The following SLC14A2 variants were observed in gnomAD, a reference collection of about 807,000 sequenced individuals.
SLC14A2 encodes solute carrier family 14 member 2.
In SLC14A2, 91 loss-of-function variants were observed where a neutral mutation model predicts 104.6. That is an observed-to-expected ratio of 0.87 (90% CI 0.73 to 1.04). The LOEUF is 1.04. SLC14A2 is among the 50% of genes least tolerant of loss of function. The pLI is 0.00. For synonymous variants in SLC14A2, 476 were observed against 466.4 expected, an observed-to-expected ratio of 1.02 and a Z score of -0.27; for missense variants, 1,189 against 1,156.0, an observed-to-expected ratio of 1.03 and a Z score of -0.41.
At position 45,656,952 on chromosome 18, in the gene SLC14A2, T is replaced by C. The variant is rs73953269; in HGVS notation, c.1352-6833T>C. ...ACCTTCTTAAAAATAAAAAATTGGC[T>C]AATGGATTAAGAAGTTGAGCCTTCC... On this transcript the variant is annotated intron_variant, in intron 10 of 19. Coordinates refer to ENST00000255226, the MANE Select transcript of SLC14A2 (RefSeq NM_007163.4). 3.4e-3 allele frequency among the ~76,000 whole-genome samples: 525 copies of C among 152,314 alleles called. 1 individual carries two copies. The highest frequency in any genetic ancestry group is 0.012 in the African/African-American group (511 of 41,562).
intron 1 of SLC14A2, among the ~76,000 whole-genome samples, chr18:45,229,453 A>G (rs896116169): frequency 1.3e-5 from 2 of 152,014 alleles, no homozygotes; most frequent in Non-Finnish European, 2.9e-5. Flanking sequence ...GCCCTCTCCC[A>G]CTGCCTTCCC....
At chr18:45,475,654 T>TTTAGG (rs1415251972) in intron 1 of SLC14A2, among the ~76,000 whole-genome samples, 712 of 53,442 alleles carry the variant, frequency 0.013, 3 homozygotes, top group African/African-American at 0.051. Flanking sequence ...TATATATATA[T>TTTAGG]ATATATATAT....
At chr18:45,212,444 G>A (rs1325140875), upstream of SLC14A2, among the ~76,000 whole-genome samples, 1 of 152,104 alleles carries the variant, frequency 6.6e-6, no homozygotes, top group Non-Finnish European at 1.5e-5. Flanking sequence ...TGGTGAAAAT[G>A]GGGCAATAGT....
At chr18:45,640,205 G>A (rs1343905743) in intron 7 of SLC14A2, among the ~76,000 whole-genome samples, 1 of 151,950 alleles carries the variant, frequency 6.6e-6, no homozygotes, top group Admixed American at 6.6e-5. Context: ...GAACCCAGGA[G>A]GTGGAGGTTG....
chr18:45,261,757 A>G (rs1599623152), intron 1 of SLC14A2, among the ~76,000 whole-genome samples: 1 of 152,212 alleles, frequency 6.6e-6, no homozygotes. Context: ...TTATGGCTGC[A>G]TAGTATTCCA....
chr18:45,282,789 C>G (rs1230232710), intron 1 of SLC14A2, among the ~76,000 whole-genome samples: 1 of 152,090 alleles, frequency 6.6e-6, no homozygotes, highest in African/African-American at 2.4e-5. Flanking sequence ...TTGGTTTGCT[C>G]TAATTTATTT....
intron 1 of SLC14A2, among the ~76,000 whole-genome samples, chr18:45,246,548 C>T (rs953178870): frequency 6.6e-6 from 1 of 152,108 alleles, no homozygotes; most frequent in Non-Finnish European, 1.5e-5. Context: ...ACTAACATTG[C>T]AGAGTAGAAA....
At chr18:45,591,143 T>G (rs2044641225) in intron 2 of SLC14A2, among the ~76,000 whole-genome samples, 1 of 152,150 alleles carries the variant, frequency 6.6e-6, no homozygotes, top group Non-Finnish European at 1.5e-5. Flanking sequence ...ATTTTTTTAT[T>G]TAAAGTTTTC....
chr18:45,206,417 A>ATACACACACACG, the SLC14A2 span, among the ~76,000 whole-genome samples: 2 of 149,600 alleles, frequency 1.3e-5, no homozygotes, highest in Non-Finnish European at 3.0e-5. Context: ...ACACATACAC[A>ATACACACACACG]TACACACACA....
intron 1 of SLC14A2, among the ~76,000 whole-genome samples, chr18:45,308,466 T>C (rs1045384191): frequency 6.6e-6 from 1 of 152,244 alleles, no homozygotes; most frequent in Non-Finnish European, 1.5e-5. Context: ...AAGAAACGTA[T>C]TTTAAAGACC....
chr18:45,679,590 G>A (rs2046283035), intron 19 of SLC14A2, among the ~76,000 whole-genome samples: 2 of 152,200 alleles, frequency 1.3e-5, no homozygotes, highest in South Asian at 4.1e-4. Context: ...AGGGCTCAGG[G>A]CTCCACTTGC....
intron 2 of SLC14A2, among the ~76,000 whole-genome samples, chr18:45,536,416 G>A (rs368627802): frequency 5.9e-5 from 9 of 152,184 alleles, no homozygotes; most frequent in African/African-American, 1.2e-4. Flanking sequence ...AGGACTGTGC[G>A]GGAGAACCCA....
intron 2 of SLC14A2, among the ~76,000 whole-genome samples, chr18:45,537,003 G>C (rs1483985621): frequency 7.1e-6 from 1 of 139,910 alleles, no homozygotes; most frequent in East Asian, 2.2e-4. Context: ...CTCATCGGGT[G>C]GTTCGTCCCC....
intron 1 of SLC14A2, among the ~76,000 whole-genome samples, chr18:45,291,564 T>C (rs1215238695): frequency 1.3e-5 from 2 of 152,174 alleles, no homozygotes; most frequent in South Asian, 2.1e-4. Context: ...ACCATGCCAG[T>C]GTCCTCAGAG....
At chr18:45,624,907 T>C in intron 2 of SLC14A2, 93 bp downstream of exon 2, 1 of 1,316,762 alleles carries the variant, frequency 7.6e-7, no homozygotes, top group Non-Finnish European at 1.1e-6. Flanking sequence ...CCCAGTGAAC[T>C]TAGCACACTG....
intron 2 of SLC14A2, among the ~76,000 whole-genome samples, chr18:45,533,891 A>G (rs1020341873): frequency 1.3e-5 from 2 of 152,200 alleles, no homozygotes; most frequent in Admixed American, 6.5e-5. Context: ...AGATTCTGGT[A>G]TCACCTTTTC....
intron 2 of SLC14A2, chr18:45,550,070 G>T (rs930109003): frequency 6.6e-6 from 1 of 151,806 alleles, no homozygotes; most frequent in Non-Finnish European, 1.5e-5. Context: ...AGATGGAAAT[G>T]AACAATATAA....
At chr18:45,399,967 C>T (rs2086077906) in intron 1 of SLC14A2, among the ~76,000 whole-genome samples, 1 of 152,160 alleles carries the variant, frequency 6.6e-6, no homozygotes, top group South Asian at 2.1e-4. Flanking sequence ...CTTATCACCA[C>T]TCATGGCCAT....
At chr18:45,520,188 A>C (rs2043498216) in intron 2 of SLC14A2, among the ~76,000 whole-genome samples, 1 of 152,246 alleles carries the variant, frequency 6.6e-6, no homozygotes, top group Non-Finnish European at 1.5e-5. Context: ...CTCAGTACCT[A>C]GCACTATTCC....
Sources: allele counts gnomAD v4.1 joint callset (sites outside exome capture counted in the v4.1 genomes callset), GRCh38; gene constraint gnomAD v4.1.1; transcripts MANE v1.5; gene names NCBI Gene and HGNC (gene_info 2026-07-23, HGNC 2026-07-21).